MYO5B: variants seen among roughly 807,000 people sequenced by gnomAD.
MYO5B encodes the protein unconventional myosin-Vb.
In MYO5B, 143 loss-of-function variants were observed where a neutral mutation model predicts 229.3. That is an observed-to-expected ratio of 0.62 (90% CI 0.54 to 0.72). The LOEUF (loss-of-function observed/expected upper bound fraction) is 0.72, where lower values mean the gene tolerates loss of function less well. Ranked by LOEUF, MYO5B falls within the 30% of genes least tolerant of loss-of-function variation. MYO5B has a pLI of 0.00. For missense variants in MYO5B, 2,321 were observed against 2,331.0 expected (o/e 1.00, Z 0.09); for synonymous variants, 918 against 885.2 (o/e 1.04, Z -0.66).
chr18:49,974,583 T>C lies in MYO5B; in HGVS notation c.1089A>G (p.Arg363=), dbSNP rs2144281982. 5 of 1,614,026 alleles carry C rather than the reference T, an allele frequency of 3.1e-6. No individual in the cohort carries two copies. In the Middle Eastern group the frequency reaches 4.9e-4, roughly 160 times the overall value. Residue 363 remains arginine, a synonymous_variant, in exon 10 of 40, where the codon CGA becomes CGG. Coordinates refer to ENST00000285039, the MANE Select transcript of MYO5B (RefSeq NM_001080467.3). ...PQDVYLSNFC[R]LLGVEHSQME... ...TCTGACTGTGCTCCACCCCTAGCAG[T>C]CGGCAGAAGTTGCTTAGGTATACAT...
At chr18:49,930,525 A>G (rs543010155) in intron 16 of MYO5B, among the ~76,000 whole-genome samples, 4 of 152,324 alleles carry the variant, frequency 2.6e-5, no homozygotes, top group Admixed American at 2.0e-4. Context: ...AAGACAGTAC[A>G]TAACAAACAT....
At chr18:49,944,019 T>C (rs1214852029) in intron 14 of MYO5B, among the ~76,000 whole-genome samples, 2 of 152,174 alleles carry the variant, frequency 1.3e-5, no homozygotes, top group African/African-American at 4.8e-5. Flanking sequence ...ACGTACAATG[T>C]ACACAGTGAG....
At chr18:49,975,304 T>C (rs900824117) in intron 9 of MYO5B, among the ~76,000 whole-genome samples, 2 of 152,118 alleles carry the variant, frequency 1.3e-5, no homozygotes, top group African/African-American at 4.8e-5. Context: ...TAAAATAACA[T>C]GATGGGCCAG....
At chr18:49,872,936 C>T (rs760075603) in intron 26 of MYO5B, among the ~76,000 whole-genome samples, 41 of 152,308 alleles carry the variant, frequency 2.7e-4, no homozygotes, top group Admixed American at 1.2e-3. Flanking sequence ...TGTAAAACTA[C>T]GTCTCTAGTA....
At chr18:50,144,401 C>CT (rs1165251097) in intron 1 of MYO5B, among the ~76,000 whole-genome samples, 1 of 152,206 alleles carries the variant, frequency 6.6e-6, no homozygotes, top group Non-Finnish European at 1.5e-5. Context: ...GGTCTGCCTC[C>CT]TTTTTTTGGT....
At chr18:50,193,869 C>G (rs1415181793) in intron 1 of MYO5B, among the ~76,000 whole-genome samples, 1 of 152,268 alleles carries the variant, frequency 6.6e-6, no homozygotes, top group East Asian at 1.9e-4. Context: ...GCGAGCTCCC[C>G]TGGAAGCGGT....
Position 49,989,121 on chromosome 18 carries a change from A to G in MYO5B, c.838+1318T>C, listed in dbSNP as rs368643852. ...GTAGGACCCACAACTATTTTGCTCAATGCAGGATCCCTGGGGCCTAACATG... is the reference window on the plus strand; with the variant it reads ...GTAGGACCCACAACTATTTTGCTCAGTGCAGGATCCCTGGGGCCTAACATG... On this transcript the variant is annotated intron_variant, in intron 7 of 39. Transcript: ENST00000285039. Among the ~76,000 whole-genome samples, 12 of 152,308 alleles carry G rather than the reference A, an allele frequency of 7.9e-5. 1 individual carries two copies. The South Asian group carries it at 1.0e-3, about 13-fold the overall frequency.
chr18:50,096,621 C>A (rs1039668034), intron 1 of MYO5B, among the ~76,000 whole-genome samples: 17 of 152,206 alleles, frequency 1.1e-4, no homozygotes, highest in African/African-American at 3.9e-4. Flanking sequence ...ATTTCCATCT[C>A]TCCTTCATCC....
At chr18:50,106,297 G>A (rs537289901) in intron 1 of MYO5B, among the ~76,000 whole-genome samples, 11 of 152,160 alleles carry the variant, frequency 7.2e-5, no homozygotes, top group East Asian at 5.8e-4. Context: ...CCACATCAAC[G>A]CATTCTCCTT....
Position 49,837,707 on chromosome 18 carries a change from T to A in MYO5B, c.4948A>T (p.Asn1650Tyr). 3.7e-6 allele frequency: 6 copies of A among 1,614,220 alleles called. No homozygotes were observed. The highest frequency in any genetic ancestry group is 4.2e-6 in the Non-Finnish European group (5 of 1,180,040). The stretch of plus-strand genomic sequence containing the variant: ...ATGATAGCTTCCAGGCAGTATGAGT[T>A]ATCCCCATCTGCCATGCTGGAGGAG... ...KRSSSMADGD[N>Y]SYCLEAIIRQ... The change falls in exon 37 of 40, where the codon AAC (asparagine) becomes TAC (tyrosine). Residue 1650 changes from asparagine to tyrosine, a missense_variant. By Grantham distance (143) the Asn-to-Tyr change is moderately radical (BLOSUM62 -2). This residue lies in a region of MYO5B where 208 missense variants were observed against 286.3 expected (regional missense o/e 0.73). Transcript: ENST00000285039.
chr18:49,890,510 ATTAAG>A (rs1286716390), intron 22 of MYO5B, among the ~76,000 whole-genome samples: 3 of 152,238 alleles, frequency 2.0e-5, no homozygotes, highest in South Asian at 2.1e-4. Flanking sequence ...CAGTACCTAT[ATTAAG>A]TTAAGTAAAT....
rs767926176 is a variant in MYO5B, at chr18:49,954,020, TTATATG to T, written c.1668+287_1668+292del. On this transcript the variant is annotated intron_variant, in intron 13 of 39. Coordinates refer to ENST00000285039, the MANE Select transcript of MYO5B (RefSeq NM_001080467.3). ...CACAGACATATATGTGTGTATGTAT[TTATATG>T]TGTGTGTGTGTGTGTGTGTGTGTGT... is the stretch of plus-strand genomic sequence containing the variant. Among the ~76,000 whole-genome samples the T allele has an allele frequency of 2.8e-4, 11 of 38,716 alleles. 1 individual carries two copies. Among genetic ancestry groups the T allele is most frequent in the East Asian group, 4.7e-4 (1 of 2,120 alleles). 25.4% of individuals were successfully genotyped at this position (38,716 alleles called of 152,430 possible).
chr18:50,051,051 A>C (rs2030377919), intron 2 of MYO5B, among the ~76,000 whole-genome samples: 1 of 152,228 alleles, frequency 6.6e-6, no homozygotes, highest in East Asian at 1.9e-4. Flanking sequence ...ACATATGTGC[A>C]GGTATAACAT....
intron 1 of MYO5B, among the ~76,000 whole-genome samples, chr18:50,166,437 T>A (rs890093046): frequency 3.3e-5 from 5 of 152,334 alleles, no homozygotes; most frequent in African/African-American, 9.6e-5. Flanking sequence ...TGTTTAAACA[T>A]CAGGTTTACA....
intron 31 of MYO5B, 55 bp from the exon 32 acceptor site, chr18:49,849,715 G>T: frequency 1.4e-6 from 2 of 1,427,028 alleles, no homozygotes; most frequent in Non-Finnish European, 2.0e-6. Flanking sequence ...TGGGATGGTG[G>T]GGGTAAAATC....
At chr18:50,044,895 A>C (rs1017359565) in intron 2 of MYO5B, among the ~76,000 whole-genome samples, 1 of 150,610 alleles carries the variant, frequency 6.6e-6, no homozygotes. Context: ...AGCAAGTAGG[A>C]GGGGGGAAAA....
chr18:49,974,537 G>A lies in MYO5B; in HGVS notation c.1135C>T (p.Arg379Cys), dbSNP rs190998983. 93 of 1,614,174 alleles carry A rather than the reference G, an allele frequency of 5.8e-5. 1 individual carries two copies. The highest frequency in any genetic ancestry group is 5.4e-4 in the South Asian group (49 of 91,082). ...GTCTCCGAGGTGGTGACCAGCTTGC[G>A]ATGACACAGCCAGTGCTCCATCTGA... ...HSQMEHWLCH[R>C]KLVTTSETYV... is the part of the protein sequence containing the mutation. Residue 379 changes from arginine to cysteine, a missense_variant, in exon 10 of 40, where the codon CGC becomes TGC. Arg to Cys is a radical substitution (Grantham distance 180). Transcript: ENST00000285039.
In MYO5B at chr18:49,875,755, C is replaced by G; in HGVS notation, c.3469G>C (p.Glu1157Gln). 6.2e-7 allele frequency: 1 copy of G among 1,614,148 alleles called. No homozygotes were observed. The highest frequency in any genetic ancestry group is 1.6e-4 in the Middle Eastern group (1 of 6,062). ...LKLQKRVREL[E>Q]QERKKLQVQL... ...ACTTGCAGCTTTTTCCTCTCCTGCT[C>G]CAGCTCCCGTACTCTCTTCTGCAGC... The change falls in exon 26 of 40, where the codon GAG (glutamate) becomes CAG (glutamine). Residue 1157 changes from glutamate to glutamine, a missense_variant. Coordinates refer to ENST00000285039, the MANE Select transcript of MYO5B (RefSeq NM_001080467.3).
Position 49,962,157 on chromosome 18 carries a change from A to C in MYO5B, c.1545+109T>G, listed in dbSNP as rs1204819268. The C allele has an allele frequency of 1.6e-5, 24 of 1,455,268 alleles. No individual in the cohort carries two copies. In the East Asian group the frequency reaches 5.4e-4, roughly 33 times the overall value. 90.1% of individuals were successfully genotyped at this position (1,455,268 alleles called of 1,614,324 possible). ...AGCCTGCCAACGCTTCTTCCAGCAC[A>C]CTGAAGGCCAGCTGATCACAGATGA... On this transcript the variant is annotated intron_variant, in intron 12 of 39. Transcript: ENST00000285039.
Sources: allele counts gnomAD v4.1 joint callset (sites outside exome capture counted in the v4.1 genomes callset), GRCh38; gene constraint gnomAD v4.1.1; regional missense constraint gnomAD v4.1.1; transcripts MANE v1.5; gene names NCBI Gene and HGNC (gene_info 2026-07-23, HGNC 2026-07-21).